ADAM33: variants seen among roughly 807,000 people sequenced by gnomAD.
ADAM33 encodes the protein disintegrin and metalloproteinase domain-containing protein 33.
In ADAM33, 103 loss-of-function variants were observed where a neutral mutation model predicts 106.2. The observed-to-expected ratio is 0.97, with a 90% confidence interval of 0.83 to 1.14. ADAM33 has a LOEUF of 1.14. ADAM33 is among the 50% of genes most tolerant of loss of function. ADAM33 has a pLI of 0.00. For missense variants in ADAM33, 1,120 were observed against 1,096.6 expected, an observed-to-expected ratio of 1.02 and a Z score of -0.30; for synonymous variants, 483 against 453.0, an observed-to-expected ratio of 1.07 and a Z score of -0.84.
At chr20:3,680,604 T>A (rs1056774586) in intron 1 of ADAM33, among the ~76,000 whole-genome samples, 4 of 151,972 alleles carry the variant, frequency 2.6e-5, no homozygotes, top group African/African-American at 9.7e-5. Flanking sequence ...GAAAGGAGGC[T>A]AGAGGGGCCA....
chr20:3,674,436 C>G, intron 6 of ADAM33, 68 bp downstream of exon 6: 2 of 1,602,958 alleles, frequency 1.2e-6, no homozygotes, highest in East Asian at 2.2e-5. Flanking sequence ...CCTGTGAATT[C>G]CCGTCTCTTC....
chr20:3,671,215 C>G (rs2087511964), intron 18 of ADAM33, 22 bp downstream of exon 18: 3 of 1,613,208 alleles, frequency 1.9e-6, no homozygotes, highest in Non-Finnish European at 2.5e-6. Context: ...AGCTCCTGCC[C>G]ACATGCCCCC....
intron 2 of ADAM33, among the ~76,000 whole-genome samples, chr20:3,677,669 C>T (rs2088094020): frequency 6.6e-6 from 1 of 152,230 alleles, no homozygotes; most frequent in Admixed American, 6.5e-5. Flanking sequence ...CCAAAGTTTT[C>T]CTGGGCCTCC....
In ADAM33 at chr20:3,675,987, G is replaced by A. The variant is rs777897433; in HGVS notation, c.255-882C>T. On this transcript the variant is annotated intron_variant, in intron 3 of 21. Coordinates refer to ENST00000356518, the MANE Select transcript of ADAM33 (RefSeq NM_025220.5). The surrounding 1 kb of genome is among the most constrained non-coding windows in gnomAD (Gnocchi z 4.1). Reference sequence around the variant, plus strand: ...ACCCCATTGAAAGGGTAGGGACGTCGGGAAAATATGGTTGGGCACAGTGGA... The same window carrying A: ...ACCCCATTGAAAGGGTAGGGACGTCAGGAAAATATGGTTGGGCACAGTGGA... Among the ~76,000 whole-genome samples the A allele has an allele frequency of 7.4e-4, 112 of 152,152 alleles. No homozygotes were observed. Among genetic ancestry groups the A allele is most frequent in the Non-Finnish European group, 1.0e-4 (7 of 68,002 alleles).
Position 3,672,260 on chromosome 20 carries a change from T to C in ADAM33, c.1471A>G (p.Thr491Ala). Residue 491 changes from threonine to alanine, a missense_variant, in exon 14 of 22, where the codon ACC (threonine) becomes GCC (alanine). By Grantham distance (58) the Thr-to-Ala change is moderately conservative. Coordinates refer to ENST00000356518, the MANE Select transcript of ADAM33 (RefSeq NM_025220.5). ...ACGTCTGGGGGACAGTGGGAGGAGG[T>C]GCCCGTGCAAAACTCAGGGAGGTCA... is the stretch of plus-strand genomic sequence containing the variant. ...DCDLPEFCTGTSSHCPPDVYL... is the reference protein window; with the variant it reads ...DCDLPEFCTGASSHCPPDVYL... 1 of 1,612,494 alleles carries C rather than the reference T, an allele frequency of 6.2e-7. No individual in the cohort carries two copies. Among genetic ancestry groups the C allele is most frequent in the Non-Finnish European group, 8.5e-7 (1 of 1,179,824 alleles).
chr20:3,675,075 G>A lies in ADAM33; in HGVS notation c.285C>T (p.Thr95=), dbSNP rs773690527. The change falls in exon 4 of 22, where the codon ACC becomes ACT. Residue 95 remains threonine, a synonymous_variant. Coordinates refer to ENST00000356518, the MANE Select transcript of ADAM33 (RefSeq NM_025220.5). The surrounding 1 kb of genome is among the most constrained non-coding windows in gnomAD (Gnocchi z 4.1). ...HRLLAPGYIE[T]HYGPDGQPVV... ...CTGGCTGCCCATCTGGGCCGTAGTG[G>A]GTTTCTATGTATCCTGGGGCCAGCA... is the stretch of plus-strand genomic sequence containing the variant. 6 of 1,613,188 alleles carry A rather than the reference G, an allele frequency of 3.7e-6. No homozygotes were observed. In the East Asian group the frequency reaches 1.3e-4, roughly 36 times the overall value.
In ADAM33 at chr20:3,669,642, G is replaced by A. The variant is rs972867195; in HGVS notation, c.2241-5C>T. 2.5e-6 allele frequency: 4 copies of A among 1,598,630 alleles called. No homozygotes were observed. Among genetic ancestry groups the A allele is most frequent in the Non-Finnish European group, 3.4e-6 (4 of 1,173,654 alleles). On this transcript the variant is annotated splice_polypyrimidine_tract_variant and splice_region_variant and intron_variant, in intron 19 of 21. Coordinates refer to ENST00000356518, the MANE Select transcript of ADAM33 (RefSeq NM_025220.5). ...CTGTGTGGGCCATCTTTGGGGCTGA[G>A]CAACGTGATAAGAGTCCAGGAGGTT...
rs2088024566 is a variant in ADAM33 at position 3,676,999 on chromosome 20, A to G, written c.254+68T>C. 1.9e-6 allele frequency: 3 copies of G among 1,544,672 alleles called. No homozygotes were observed. In the African/African-American group the frequency reaches 4.1e-5, roughly 21 times the overall value. The stretch of plus-strand genomic sequence containing the variant: ...TCTGCCCATCCAGCCACCCGCACAG[A>G]TCTGTGTCAGTCCCTGCCCCCCAAC... On this transcript the variant is annotated intron_variant, in intron 3 of 21. Transcript: ENST00000356518.
rs2087347346 is a variant in ADAM33, at chr20:3,668,906, T to C, written c.*57A>G. ...GCTCTGCCCCTGCAGTTCAAGTTCCTGGAGTGGCTGTCAGTGGCCACCTGT... is the reference window on the plus strand; with the variant it reads ...GCTCTGCCCCTGCAGTTCAAGTTCCCGGAGTGGCTGTCAGTGGCCACCTGT... On this transcript the variant is annotated 3_prime_UTR_variant, in exon 22 of 22. Transcript: ENST00000356518. 6.3e-7 allele frequency: 1 copy of C among 1,591,518 alleles called. No individual in the cohort carries two copies. Among genetic ancestry groups the C allele is most frequent in the Non-Finnish European group, 8.6e-7 (1 of 1,160,080 alleles).
At chr20:3,669,082 C>T (rs2087359226) in intron 21 of ADAM33, 82 bp from the exon 22 acceptor site, 4 of 1,449,654 alleles carry the variant, frequency 2.8e-6, no homozygotes, top group Non-Finnish European at 3.9e-6. Context: ...CATCCTCACT[C>T]AGTGAGGACC....
At chr20:3,674,374 G>C in intron 6 of ADAM33, 90 bp from the exon 7 acceptor site, 1 of 1,604,978 alleles carries the variant, frequency 6.2e-7, no homozygotes, top group Admixed American at 1.7e-5. Flanking sequence ...AGTTTAACAT[G>C]TTTTCTGGAA....
At position 3,669,303 on chromosome 20, in the gene ADAM33, G is replaced by T; in HGVS notation, c.2400C>A (p.Pro800=). The T allele has an allele frequency of 6.3e-7, 1 of 1,587,950 alleles. No individual in the cohort carries two copies. Among genetic ancestry groups the T allele is most frequent in the South Asian group, 1.2e-5 (1 of 85,890 alleles). ...TGAATCCAGGTCCCTGCCTACCTTG[G>T]GGGTCAGGCGAGACTGCTGGCAGAG... ...EKPLPAVSPD[P]QADQVQMPRS... Residue 800 remains proline, a synonymous_variant, in exon 21 of 22, where the codon CCC becomes CCA. Transcript: ENST00000356518.
At chr20:3,678,838 T>A (rs912748874) in intron 2 of ADAM33, among the ~76,000 whole-genome samples, 8 of 152,184 alleles carry the variant, frequency 5.3e-5, no homozygotes, top group Non-Finnish European at 1.2e-4. Context: ...GCCCTCTTAG[T>A]TTGCAGCACA....
chr20:3,674,422 G>A (rs564246723), intron 6 of ADAM33, 82 bp downstream of exon 6: 10 of 1,600,154 alleles, frequency 6.2e-6, no homozygotes, highest in Non-Finnish European at 8.5e-6. Context: ...ACTGGGACTC[G>A]AGGCCTGTGA....
In ADAM33 at chr20:3,671,096, C is replaced by G; in HGVS notation, c.2150G>C (p.Gly717Ala). 6.3e-7 allele frequency: 1 copy of G among 1,596,658 alleles called. No individual in the cohort carries two copies. The highest frequency in any genetic ancestry group is 1.1e-5 in the South Asian group (1 of 88,932). ...GTAGCAACACCAGGCCAGGCCGGCCCCTGGGAGCAGAGGCAGCAGGACGCT... is the reference window on the plus strand; with the variant it reads ...GTAGCAACACCAGGCCAGGCCGGCCGCTGGGAGCAGAGGCAGCAGGACGCT... ...LLSVLLPLLP[G>A]AGLAWCCYRL... Residue 717 changes from glycine to alanine, a missense_variant, in exon 19 of 22, where the codon GGG becomes GCG. Gly to Ala is a moderately conservative substitution (Grantham distance 60). Transcript: ENST00000356518.
In ADAM33 at chr20:3,674,814, G is replaced by C. The variant is rs554554513; in HGVS notation, c.369C>G (p.Phe123Leu). ...TGCAGAGGACTACCCAGGAGTCGGG[G>C]AAGCCCCTTACTCGCCCTTGGTAGT... ...HCHYQGRVRG[F>L]PDSWVVLCTC... Residue 123 changes from phenylalanine (F) to leucine (L), a missense_variant, in exon 5 of 22, where the codon TTC becomes TTG. Physicochemically the swap from Phe to Leu is conservative, Grantham distance 22. Coordinates refer to ENST00000356518, the MANE Select transcript of ADAM33 (RefSeq NM_025220.5). 73 of 1,611,468 alleles carry C rather than the reference G, an allele frequency of 4.5e-5. 2 individuals are homozygous for C. The South Asian group carries it at 6.9e-4, about 15-fold the overall frequency.
chr20:3,672,583 C>G lies in ADAM33; in HGVS notation c.1355G>C (p.Arg452Pro). 1 of 1,613,572 alleles carries G rather than the reference C, an allele frequency of 6.2e-7. No homozygotes were observed. Residue 452 changes from arginine to proline, a missense_variant, in exon 13 of 22, where the codon CGC (arginine) becomes CCC (proline). Physicochemically the swap from Arg to Pro is moderately radical, Grantham distance 103 (BLOSUM62 -2). Coordinates refer to ENST00000356518, the MANE Select transcript of ADAM33 (RefSeq NM_025220.5). ...LCCFAHNCSL[R>P]PGAQCAHGDC... Reference sequence around the variant, plus strand: ...CCCGTGGGCGCACTGGGCCCCCGGGCGCAGCGAGCAGTTGTGAGCAAAGCA... The same window carrying G: ...CCCGTGGGCGCACTGGGCCCCCGGGGGCAGCGAGCAGTTGTGAGCAAAGCA...
chr20:3,680,905 T>A (rs559327850), intron 1 of ADAM33, among the ~76,000 whole-genome samples: 9 of 152,144 alleles, frequency 5.9e-5, no homozygotes, highest in African/African-American at 2.2e-4. Context: ...ACCGGGTGAA[T>A]GGGGGTGGAA....
Position 3,675,089 on chromosome 20 carries a change from C to T in ADAM33, c.271G>A (p.Gly91Arg). 3.7e-6 allele frequency: 6 copies of T among 1,613,028 alleles called. No homozygotes were observed. The highest frequency in any genetic ancestry group is 5.1e-6 in the Non-Finnish European group (6 of 1,179,736). The change falls in exon 4 of 22, where the codon GGA becomes AGA. Residue 91 changes from glycine (G) to arginine (R), a missense_variant. Coordinates refer to ENST00000356518, the MANE Select transcript of ADAM33 (RefSeq NM_025220.5). The surrounding 1 kb of genome is among the most constrained non-coding windows in gnomAD (Gnocchi z 4.1). ...GGGCCGTAGTGGGTTTCTATGTATC[C>T]TGGGGCCAGCAGCCTGCTGAGAGGG... is the stretch of plus-strand genomic sequence containing the variant. ...LEKNHRLLAP[G>R]YIETHYGPDG... is the part of the protein sequence containing the mutation.
Sources: allele counts gnomAD v4.1 joint callset (sites outside exome capture counted in the v4.1 genomes callset), GRCh38; gene constraint gnomAD v4.1.1; non-coding constraint Gnocchi (gnomAD v3.1); transcripts MANE v1.5; gene names NCBI Gene and HGNC (gene_info 2026-07-23, HGNC 2026-07-21).